CHURC1: variants seen among roughly 807,000 people sequenced by gnomAD.
CHURC1 encodes the protein churchill domain containing 1, also known as protein Churchill.
In CHURC1, 12 loss-of-function variants were observed where a neutral mutation model predicts 15.4. That is an observed-to-expected ratio of 0.78 (90% CI 0.50 to 1.27). The LOEUF is 1.27. Among genes scored for constraint, CHURC1 ranks in the 50% most tolerant of loss-of-function variants. The probability of loss-of-function intolerance (pLI) is 0.00; values close to 1 mark genes in which losing one functional copy is unlikely to be tolerated. For missense variants in CHURC1, 132 were observed against 137.8 expected (o/e 0.96, Z 0.21); for synonymous variants, 42 against 47.5 (o/e 0.88, Z 0.48).
chr14:64,934,541 A>T lies in CHURC1; in HGVS notation c.*2311A>T. The T allele has an allele frequency of 1.0e-6, 1 of 985,438 alleles. No homozygotes were observed. The highest frequency in any genetic ancestry group is 1.2e-6 in the Non-Finnish European group (1 of 829,942). 61.0% of individuals were successfully genotyped at this position (985,438 alleles called of 1,614,324 possible). A position where few individuals can be genotyped will look rare whatever the true frequency, so the allele number is the denominator to read the frequency against. On this transcript the variant is annotated 3_prime_UTR_variant, in exon 4 of 4. Transcript: ENST00000549115. Reference sequence around the variant, plus strand: ...AGGCATCTGGGCATGTCAGATGAAGATTTATTATTCAGAAAAGTTAAGTCA... The same window carrying T: ...AGGCATCTGGGCATGTCAGATGAAGTTTTATTATTCAGAAAAGTTAAGTCA...
intron 1 of CHURC1, among the ~76,000 whole-genome samples, chr14:64,920,368 C>A (rs1331966967): frequency 2.0e-5 from 3 of 152,128 alleles, no homozygotes; most frequent in African/African-American, 7.2e-5. Context: ...GAATTGCATT[C>A]TTTTCCACCT....
intron 3 of CHURC1, among the ~76,000 whole-genome samples, chr14:64,929,795 A>G (rs763617921): frequency 6.6e-6 from 1 of 152,240 alleles, no homozygotes; most frequent in Non-Finnish European, 1.5e-5. Context: ...TAAAACAACC[A>G]TAATGCCATT....
In CHURC1 at chr14:64,925,696, C is replaced by CAAAAAAAA. The variant is rs3033506; in HGVS notation, c.176-300_176-293dup. Among the ~76,000 whole-genome samples the CAAAAAAAA allele has an allele frequency of 3.9e-4, 26 of 66,152 alleles. 1 individual carries two copies. Among genetic ancestry groups the CAAAAAAAA allele is most frequent in the East Asian group, 1.4e-3 (3 of 2,208 alleles). 43.4% of individuals were successfully genotyped at this position (66,152 alleles called of 152,430 possible). On this transcript the variant is annotated intron_variant, in intron 2 of 3. Coordinates refer to ENST00000549115, the MANE Select transcript of CHURC1 (RefSeq NM_001386928.1). The stretch of plus-strand genomic sequence containing the variant: ...TGGGCAACAGAGTAAGACCCGGCCT[C>CAAAAAAAA]AAAAAAAAAAAAAAAAAAAAAGAAA...
chr14:64,930,722 A>G (rs1227532087), intron 3 of CHURC1: 5 of 409,738 alleles, frequency 1.2e-5, no homozygotes, highest in Non-Finnish European at 2.4e-5. Context: ...ATTGGTTGAA[A>G]ACTCAAGTAT....
intron 2 of CHURC1, among the ~76,000 whole-genome samples, chr14:64,925,118 AGTC>A (rs1884585228): frequency 6.6e-6 from 1 of 152,234 alleles, no homozygotes; most frequent in African/African-American, 2.4e-5. Flanking sequence ...ATCCTGGCTC[AGTC>A]GTCTTGCTAG....
Position 64,914,574 on chromosome 14 carries a change from C to T in CHURC1, c.39+40C>T, listed in dbSNP as rs1354852617. 1.9e-6 allele frequency: 3 copies of T among 1,613,226 alleles called. No homozygotes were observed. The Admixed American group carries it at 5.0e-5, about 27-fold the overall frequency. Reference sequence around the variant, plus strand: ...GCTCCCTTGGCCCGCGGGCGGCCCCCGAGGTGTCTCATATCCAAGGCTGGC... The same window carrying T: ...GCTCCCTTGGCCCGCGGGCGGCCCCTGAGGTGTCTCATATCCAAGGCTGGC... On this transcript the variant is annotated intron_variant, in intron 1 of 3. Transcript: ENST00000549115.
rs574822625 is a variant in CHURC1 at position 64,921,043 on chromosome 14, G to A, written c.40-2948G>A. ...TCAAGGGAACAGAATAGTCAAAGCA[G>A]ACCCACATATATATGGTCATTGACT... On this transcript the variant is annotated intron_variant, in intron 1 of 3. Coordinates refer to ENST00000549115, the MANE Select transcript of CHURC1 (RefSeq NM_001386928.1). 9.3e-4 allele frequency among the ~76,000 whole-genome samples: 142 copies of A among 152,286 alleles called. 1 individual carries two copies. Among genetic ancestry groups the A allele is most frequent in the Non-Finnish European group, 1.8e-3 (125 of 68,020 alleles).
chr14:64,923,787 C>CTTTTTTT (rs60825476), intron 1 of CHURC1, among the ~76,000 whole-genome samples: 2 of 77,068 alleles, frequency 2.6e-5, no homozygotes, highest in Non-Finnish European at 5.6e-5. Context: ...ACTTTAGTTG[C>CTTTTTTT]TTTTTTTTTT....
rs1211315004 is a variant in CHURC1, at chr14:64,932,380, T to C, written c.*150T>C. 2.1e-6 allele frequency: 3 copies of C among 1,415,680 alleles called. No homozygotes were observed. The African/African-American group carries it at 4.3e-5, about 20-fold the overall frequency. The allele number at this position is 1,415,680 out of a possible 1,614,324, so 87.7% of individuals were successfully genotyped here. A position where few individuals can be genotyped will look rare whatever the true frequency, so the allele number is the denominator to read the frequency against. ...TATTCTTTGAGGAAAAAAGGTAATGTAGGAGCTCATTGTTCTCTAGAGCTG... is the reference window on the plus strand; with the variant it reads ...TATTCTTTGAGGAAAAAAGGTAATGCAGGAGCTCATTGTTCTCTAGAGCTG... On this transcript the variant is annotated 3_prime_UTR_variant, in exon 4 of 4. Transcript: ENST00000549115.
At chr14:64,931,146 G>C (rs1235513346) in intron 3 of CHURC1, among the ~76,000 whole-genome samples, 1 of 152,198 alleles carries the variant, frequency 6.6e-6, no homozygotes, top group Non-Finnish European at 1.5e-5. Flanking sequence ...GTTTGTTTTT[G>C]TACAGAGAAA....
chr14:64,924,647 T>G (rs1049862160), intron 2 of CHURC1, among the ~76,000 whole-genome samples: 1 of 152,232 alleles, frequency 6.6e-6, no homozygotes, highest in Non-Finnish European at 1.5e-5. Flanking sequence ...GTCAGTCTGT[T>G]GTTCCTTACT....
At chr14:64,924,436 A>G in intron 2 of CHURC1, 1 of 176,670 alleles carries the variant, frequency 5.7e-6, no homozygotes, top group Non-Finnish European at 1.2e-5. Flanking sequence ...ACTTTTTATT[A>G]TTGTTATTAT....
chr14:64,922,685 A>G (rs10141986), intron 1 of CHURC1, among the ~76,000 whole-genome samples: 40,185 of 151,936 alleles, frequency 0.26, 6,088 homozygotes, highest in African/African-American at 0.41. Context: ...TTAAGGCAGT[A>G]CACCTATGAT....
chr14:64,924,302 A>G (rs1438857554), intron 2 of CHURC1, 176 bp downstream of exon 2: 1 of 691,220 alleles, frequency 1.4e-6, no homozygotes, highest in African/African-American at 1.9e-5. Flanking sequence ...GATATCAAAT[A>G]GTCTATGTAA....
At chr14:64,929,443 A>C (rs1244256877) in intron 3 of CHURC1, among the ~76,000 whole-genome samples, 2 of 152,122 alleles carry the variant, frequency 1.3e-5, no homozygotes, top group African/African-American at 4.8e-5. Context: ...CTTCTACCTC[A>C]GCCTAATGGC....
rs1341638358 is a variant in CHURC1 at position 64,934,554 on chromosome 14, A to T, written c.*2324A>T. On this transcript the variant is annotated 3_prime_UTR_variant, in exon 4 of 4. Transcript: ENST00000549115. ...TGTCAGATGAAGATTTATTATTCAGAAAAGTTAAGTCAGCTGTTGCAGGGA... is the reference window on the plus strand; with the variant it reads ...TGTCAGATGAAGATTTATTATTCAGTAAAGTTAAGTCAGCTGTTGCAGGGA... The T allele has an allele frequency of 1.0e-6, 1 of 985,338 alleles. No individual in the cohort carries two copies. The highest frequency in any genetic ancestry group is 1.2e-6 in the Non-Finnish European group (1 of 829,946). 61.0% of individuals were successfully genotyped at this position (985,338 alleles called of 1,614,324 possible). A position where few individuals can be genotyped will look rare whatever the true frequency, so the allele number is the denominator to read the frequency against.
chr14:64,930,017 C>G (rs376835192), intron 3 of CHURC1, among the ~76,000 whole-genome samples: 1 of 151,728 alleles, frequency 6.6e-6, no homozygotes, highest in Non-Finnish European at 1.5e-5. Flanking sequence ...CTTTCTATTC[C>G]TCTGTGGGCC....
chr14:64,930,879 T>C (rs750797279), intron 3 of CHURC1: 30 of 453,570 alleles, frequency 6.6e-5, no homozygotes, highest in African/African-American at 2.4e-4. Context: ...GAAGAGGATG[T>C]ATTTTTATTT....
rs376869542 is a variant in CHURC1 at position 64,932,511 on chromosome 14, G to A, written c.*281G>A. 31 of 1,096,372 alleles carry A rather than the reference G, an allele frequency of 2.8e-5. No homozygotes were observed. Among genetic ancestry groups the A allele is most frequent in the East Asian group, 2.8e-4 (5 of 17,692 alleles). The allele number at this position is 1,096,372 out of a possible 1,614,324, so 67.9% of individuals were successfully genotyped here. A position where few individuals can be genotyped will look rare whatever the true frequency, so the allele number is the denominator to read the frequency against. ...CAACTAGAATGGGAGCACACCTGGT[G>A]CCCAGATTTTGGTTTCCAATAAAAG... is the stretch of plus-strand genomic sequence containing the variant. On this transcript the variant is annotated 3_prime_UTR_variant, in exon 4 of 4. Transcript: ENST00000549115.
Sources: gnomAD v4.1 joint callset for allele counts (sites outside exome capture counted in the v4.1 genomes callset) on GRCh38, gnomAD v4.1.1 for gene constraint, MANE v1.5 for transcripts, NCBI Gene and HGNC (gene_info 2026-07-23, HGNC 2026-07-21) for gene names.